NPL: variants seen among roughly 807,000 people sequenced by gnomAD.
NPL encodes the protein N-acetylneuraminate pyruvate lyase.
In NPL, 32 loss-of-function variants were observed where a neutral mutation model predicts 41.1. The observed-to-expected ratio is 0.78, with a 90% confidence interval of 0.59 to 1.05. NPL has a LOEUF of 1.05. Ranked by LOEUF, NPL falls within the 50% of genes least tolerant of loss-of-function variation. NPL has a pLI of 0.00. For synonymous variants in NPL, 128 were observed against 134.9 expected, an observed-to-expected ratio of 0.95 and a Z score of 0.35; for missense variants, 321 against 378.4, an observed-to-expected ratio of 0.85 and a Z score of 1.26.
intron 11 of NPL, among the ~76,000 whole-genome samples, chr1:182,825,165 T>A (rs1393446222): frequency 7.9e-5 from 12 of 152,210 alleles, no homozygotes; most frequent in Admixed American, 7.9e-4. Context: ...AGAATCACTG[T>A]CCCTCTCTTT....
At chr1:182,822,827 G>A (rs1452406883) in intron 11 of NPL, among the ~76,000 whole-genome samples, 1 of 152,202 alleles carries the variant, frequency 6.6e-6, no homozygotes, top group African/African-American at 2.4e-5. Flanking sequence ...AGCCATCAGG[G>A]AAAGAAGAGC....
chr1:182,820,636 C>T (rs530201499), intron 10 of NPL, among the ~76,000 whole-genome samples: 11 of 152,228 alleles, frequency 7.2e-5, no homozygotes, highest in Admixed American at 1.3e-4. Flanking sequence ...TCAATCATGG[C>T]GGAAGGCTAA....
At chr1:182,813,025 C>G (rs1025077000) in intron 6 of NPL, among the ~76,000 whole-genome samples, 1 of 151,688 alleles carries the variant, frequency 6.6e-6, no homozygotes, top group African/African-American at 2.4e-5. Context: ...TGGTGGTGGG[C>G]GCCTATAATC....
At chr1:182,805,649 T>C (rs996351344) in intron 4 of NPL, among the ~76,000 whole-genome samples, 18 of 152,244 alleles carry the variant, frequency 1.2e-4, no homozygotes, top group African/African-American at 4.3e-4. Flanking sequence ...ATTAATATCC[T>C]TTGTGCTTAT....
At chr1:182,822,007 T>G (rs866397834) in intron 10 of NPL, 108 bp from the exon 11 acceptor site, 4 of 767,742 alleles carry the variant, frequency 5.2e-6, no homozygotes, top group African/African-American at 3.4e-5. Context: ...AAACAGACTT[T>G]AGGAGGACTA....
At chr1:182,827,457 T>C (rs1667659699) in intron 12 of NPL, among the ~76,000 whole-genome samples, 1 of 152,240 alleles carries the variant, frequency 6.6e-6, no homozygotes, top group Non-Finnish European at 1.5e-5. Flanking sequence ...TCTGAAAGTC[T>C]ATTAGTTGTA....
intron 3 of NPL, among the ~76,000 whole-genome samples, chr1:182,797,300 A>G (rs1035095205): frequency 3.3e-5 from 5 of 152,092 alleles, no homozygotes; most frequent in African/African-American, 1.2e-4. Context: ...AAGCCTTGCT[A>G]CCCATCATAT....
intron 3 of NPL, among the ~76,000 whole-genome samples, chr1:182,800,483 T>C (rs1450970374): frequency 6.9e-6 from 1 of 145,248 alleles, no homozygotes; most frequent in Non-Finnish European, 1.5e-5. Context: ...TCAAGGAGAA[T>C]TATTTTCGCC....
intron 3 of NPL, 112 bp downstream of exon 3, chr1:182,794,551 A>G (rs1666604712): frequency 3.7e-6 from 4 of 1,068,120 alleles, no homozygotes. Flanking sequence ...AACTGTTGCC[A>G]AAAGGCAGCT....
chr1:182,791,830 A>G (rs1666524505), intron 1 of NPL, among the ~76,000 whole-genome samples: 1 of 152,182 alleles, frequency 6.6e-6, no homozygotes. Flanking sequence ...TGCTGACTCA[A>G]GCTCTCAGGA....
intron 11 of NPL, among the ~76,000 whole-genome samples, chr1:182,825,253 T>C (rs1667600750): frequency 6.6e-6 from 1 of 152,156 alleles, no homozygotes; most frequent in Non-Finnish European, 1.5e-5. Flanking sequence ...TTTTCAAAAG[T>C]AGAAAAGACT....
chr1:182,816,881 T>A, intron 8 of NPL, 75 bp downstream of exon 8: 1 of 1,154,190 alleles, frequency 8.7e-7, no homozygotes, highest in African/African-American at 1.5e-5. Context: ...GAAACTCCAC[T>A]CCATCCCACC....
Position 182,805,158 on chromosome 1 carries a change from G to A in NPL, c.143-987G>A, listed in dbSNP as rs151043112. Among the ~76,000 whole-genome samples the A allele has an allele frequency of 3.4e-3, 518 of 152,290 alleles. 1 individual carries two copies. The highest frequency in any genetic ancestry group is 6.1e-3 in the Non-Finnish European group (416 of 68,024). ...GAAATGATTGTAGTAGGCCGGGTGTGGTGGCTCACACCAGTAATCCCAGCA... is the reference window on the plus strand; with the variant it reads ...GAAATGATTGTAGTAGGCCGGGTGTAGTGGCTCACACCAGTAATCCCAGCA... On this transcript the variant is annotated intron_variant, in intron 4 of 12. Coordinates refer to ENST00000367553, the MANE Select transcript of NPL (RefSeq NM_030769.3).
chr1:182,792,136 T>A (rs565193285), intron 1 of NPL, 96 bp from the exon 2 acceptor site: 1 of 152,368 alleles, frequency 6.6e-6, no homozygotes, highest in South Asian at 2.1e-4. Context: ...ACGTACTCAC[T>A]ATGTGCCTAG....
At chr1:182,810,313 T>C (rs537126740) in intron 5 of NPL, among the ~76,000 whole-genome samples, 15 of 152,194 alleles carry the variant, frequency 9.9e-5, no homozygotes, top group African/African-American at 3.6e-4. Flanking sequence ...AGAACAAATA[T>C]CGCCTTTTGG....
chr1:182,806,304 T>G, intron 5 of NPL, 72 bp downstream of exon 5: 1 of 1,600,826 alleles, frequency 6.2e-7, no homozygotes, highest in Non-Finnish European at 8.5e-7. Flanking sequence ...CCCCAGAGGA[T>G]ACGCCCTCCC....
chr1:182,789,796 G>C lies in NPL; in HGVS notation c.-81G>C, dbSNP rs937315366. 1 of 152,756 alleles carries C rather than the reference G, an allele frequency of 6.5e-6. No homozygotes were observed. Among genetic ancestry groups the C allele is most frequent in the African/African-American group, 2.4e-5 (1 of 41,470 alleles). The allele number at this position is 152,756 out of a possible 1,614,324, so 9.5% of individuals were successfully genotyped here. ...GCGGAGCGGCTGCACGGACAAGAGC[G>C]GAGGCCTGGGTGAGCGCGGCCCGCG... is the stretch of plus-strand genomic sequence containing the variant. On this transcript the variant is annotated 5_prime_UTR_variant, in exon 1 of 13. Transcript: ENST00000367553.
At chr1:182,827,773 T>C (rs1449110418) in intron 12 of NPL, among the ~76,000 whole-genome samples, 2 of 152,226 alleles carry the variant, frequency 1.3e-5, no homozygotes, top group African/African-American at 4.8e-5. Flanking sequence ...TTGAATGTGC[T>C]GGTTCTCCTG....
intron 11 of NPL, among the ~76,000 whole-genome samples, chr1:182,823,402 T>TA (rs1289810503): frequency 7.2e-5 from 11 of 152,224 alleles, no homozygotes; most frequent in Non-Finnish European, 1.3e-4. Flanking sequence ...TCCCTACCCG[T>TA]AGGCCTCAAA....
Sources: gnomAD v4.1 joint callset for allele counts (sites outside exome capture counted in the v4.1 genomes callset) on GRCh38, gnomAD v4.1.1 for gene constraint, MANE v1.5 for transcripts, NCBI Gene and HGNC (gene_info 2026-07-23, HGNC 2026-07-21) for gene names.